FLT4: variants seen among roughly 807,000 people sequenced by gnomAD.
FLT4 encodes the protein fms related receptor tyrosine kinase 4.
FLT4 carries 30 observed loss-of-function variants against 163.2 expected under a neutral mutation model. That is an observed-to-expected ratio of 0.18 (90% CI 0.14 to 0.25). The LOEUF (loss-of-function observed/expected upper bound fraction) is 0.25, where lower values mean the gene tolerates loss of function less well. Ranked by LOEUF, FLT4 falls within the 10% of genes least tolerant of loss-of-function variation. The pLI, the probability that FLT4 is intolerant of heterozygous loss-of-function variation, is 1.00. For missense variants in FLT4, 1,510 were observed against 1,863.8 expected, an observed-to-expected ratio of 0.81 and a Z score of 3.50; for synonymous variants, 884 against 789.5, an observed-to-expected ratio of 1.12 and a Z score of -2.01.
chr5:180,620,853 AG>A lies in FLT4; in HGVS notation c.2299+22del. 1 of 1,609,778 alleles carries A rather than the reference AG, an allele frequency of 6.2e-7. No individual in the cohort carries two copies. On this transcript the variant is annotated intron_variant, in intron 15 of 29. Coordinates refer to ENST00000261937, the MANE Select transcript of FLT4 (RefSeq NM_182925.5). The surrounding 1 kb of genome is among the most constrained non-coding windows in gnomAD (Gnocchi z 4.4). ...TTAACTGGGGACGGGAAGGGAGTTG[AG>A]GGGTGCAGCCTGAGGCCAGACCTTC...
Position 180,628,920 on chromosome 5 carries a change from G to C in FLT4, c.1065C>G (p.Pro355=), listed in dbSNP as rs765314048. 3.7e-6 allele frequency: 6 copies of C among 1,612,482 alleles called. No homozygotes were observed. The highest frequency in any genetic ancestry group is 5.1e-6 in the Non-Finnish European group (6 of 1,179,816). ...GCGGGGGGTACGCTGCCAGCTTCAC[G>C]GGCAGCTTCACCAGCTCGTCTCCTG... is the stretch of plus-strand genomic sequence containing the variant. ...ATAGDELVKL[P]VKLAAYPPPE... is the part of the protein sequence containing the mutation. The change falls in exon 8 of 30, where the codon CCC becomes CCG. Residue 355 remains proline (P), a synonymous_variant. Coordinates refer to ENST00000261937, the MANE Select transcript of FLT4 (RefSeq NM_182925.5).
Position 180,618,908 on chromosome 5 carries a change from C to A in FLT4, c.2863G>T (p.Glu955Ter). The change falls in exon 21 of 30, where the codon GAG becomes TAG. Residue 955 changes from glutamate to a stop codon, truncating the protein, a stop_gained. Transcript: ENST00000261937. LOFTEE classifies it high-confidence loss of function. ...ATGGCGCGGAAGCGTCCGCGCTGCT[C>A]GGGAGACTTCTCCTGCGGATGCACG... ...AFSPCAEKSP[E>*]QRGRFRAMVE... 1 of 1,585,630 alleles carries A rather than the reference C, an allele frequency of 6.3e-7. No individual in the cohort carries two copies. Among genetic ancestry groups the A allele is most frequent in the East Asian group, 2.3e-5 (1 of 43,582 alleles).
rs200449328 is a variant in FLT4 at position 180,620,669 on chromosome 5, G to A, written c.2346C>T (p.Thr782=). The part of the protein sequence containing the change: ...GSMEIVILVG[T]GVIAVFFWVL... ...CCCAGAAGAAGACAGCGATGACGCC[G>A]GTACCGACAAGGATCACGATCTCCA... Residue 782 remains threonine, a synonymous_variant, in exon 16 of 30, where the codon ACC becomes ACT. Coordinates refer to ENST00000261937, the MANE Select transcript of FLT4 (RefSeq NM_182925.5). This position sits in a 1 kb window ranked among gnomAD's most constrained non-coding sequence, Gnocchi z 4.4. 38 of 1,613,540 alleles carry A rather than the reference G, an allele frequency of 2.4e-5. No individual in the cohort carries two copies. In the South Asian group the frequency reaches 3.4e-4, roughly 14 times the overall value.
chr5:180,630,466 C>G lies in FLT4; in HGVS notation c.400+89G>C, dbSNP rs561543548. 3.8e-5 allele frequency: 61 copies of G among 1,591,724 alleles called. No individual in the cohort carries two copies. The African/African-American group carries it at 5.8e-4, about 15-fold the overall frequency. On this transcript the variant is annotated intron_variant, in intron 3 of 29. Coordinates refer to ENST00000261937, the MANE Select transcript of FLT4 (RefSeq NM_182925.5). The surrounding 1 kb of genome is among the most constrained non-coding windows in gnomAD (Gnocchi z 6.3). ...AGCAGGTAGGGCCCCGTTCTCTCCT[C>G]CTGCCAGCCCAGGGTCCACAGGCTG...
intron 1 of FLT4, among the ~76,000 whole-genome samples, chr5:180,633,840 G>C (rs533704670): frequency 6.6e-6 from 1 of 152,182 alleles, no homozygotes. Flanking sequence ...GGGAGGTCAG[G>C]AGACCAGGCT....
In FLT4 at chr5:180,603,145, C is replaced by T. The variant is rs768618179; in HGVS notation, c.*47G>A. ...CTGGGCCTCCAGCCCTCTGCCCGCC[C>T]TGCCGGGCCTGAACCCCCAAGTGCT... On this transcript the variant is annotated 3_prime_UTR_variant, in exon 30 of 30. Coordinates refer to ENST00000261937, the MANE Select transcript of FLT4 (RefSeq NM_182925.5). The T allele has an allele frequency of 2.5e-6, 4 of 1,597,012 alleles. No homozygotes were observed. The highest frequency in any genetic ancestry group is 2.2e-5 in the East Asian group (1 of 44,764).
At chr5:180,622,243 G>A (rs543177417) in intron 12 of FLT4, among the ~76,000 whole-genome samples, 4 of 149,844 alleles carry the variant, frequency 2.7e-5, no homozygotes, top group South Asian at 2.1e-4. Context: ...CCCAGCCCCC[G>A]GGTGTTCTTT....
chr5:180,606,471 G>A (rs975549556), intron 29 of FLT4, among the ~76,000 whole-genome samples: 1 of 152,176 alleles, frequency 6.6e-6, no homozygotes, highest in African/African-American at 2.4e-5. Context: ...CCATGGTGCA[G>A]GCTCAGCCGT....
At chr5:180,615,301 C>T (rs55703303) in intron 23 of FLT4, among the ~76,000 whole-genome samples, 2,743 of 85,296 alleles carry the variant, frequency 0.032, 2 homozygotes, top group South Asian at 0.041. Flanking sequence ...TGGGCCCCGC[C>T]GGTCACCTCC....
Position 180,626,407 on chromosome 5 carries a change from G to T in FLT4, c.1104-142C>A. The T allele has an allele frequency of 3.3e-6, 3 of 905,152 alleles. No individual in the cohort carries two copies. The South Asian group carries it at 4.1e-5, about 13-fold the overall frequency. 56.1% of individuals were successfully genotyped at this position (905,152 alleles called of 1,614,324 possible). On this transcript the variant is annotated intron_variant, in intron 8 of 29. Coordinates refer to ENST00000261937, the MANE Select transcript of FLT4 (RefSeq NM_182925.5). The stretch of plus-strand genomic sequence containing the variant: ...TAGGACGGGGAACACTGGTCTGCGA[G>T]GGGATGGTCTAAGTCCCTGGAGATG...
intron 10 of FLT4, among the ~76,000 whole-genome samples, chr5:180,625,041 T>G (rs307824): frequency 0.95 from 144,024 of 152,264 alleles, 68,645 homozygotes; most frequent in South Asian, 1. Context: ...GGCCGGCTCA[T>G]GCCACCCCTA....
intron 29 of FLT4, 51 bp downstream of exon 29, chr5:180,608,917 G>C (rs774612068): frequency 6.8e-7 from 1 of 1,478,844 alleles, no homozygotes; most frequent in East Asian, 2.3e-5. Flanking sequence ...CCCTCCTCCA[G>C]GGGAGGGCAA....
rs546326184 is a variant in FLT4 at position 180,603,959 on chromosome 5, C to T, written c.3894-569G>A. ...GGTGGAGGTTTCAGTGAGCCAAGAT[C>T]GTGCCGCTGCACTCCAGCCTGGGTG... On this transcript the variant is annotated intron_variant, in intron 29 of 29. Transcript: ENST00000261937. 2.9e-4 allele frequency among the ~76,000 whole-genome samples: 44 copies of T among 151,604 alleles called. 1 individual carries two copies. The highest frequency in any genetic ancestry group is 1.5e-4 in the Non-Finnish European group (10 of 67,940).
intron 22 of FLT4, 44 bp downstream of exon 22, chr5:180,616,856 G>C (rs1762733210): frequency 1.4e-6 from 2 of 1,463,648 alleles, no homozygotes; most frequent in Admixed American, 1.7e-5. Flanking sequence ...GACTGGTGGG[G>C]ATGCACCCTT....
Position 180,626,216 on chromosome 5 carries a change from C to T in FLT4, c.1153G>A (p.Val385Met), listed in dbSNP as rs763552899. ...LSGRHSPHAL[V>M]LKEVTEASTG... is the part of the protein sequence containing the mutation. ...CTGGCCTCTGTCACCTCCTTGAGCA[C>T]CAGGGCATGTGGACTGTGGCGCCCG... Residue 385 changes from valine (V) to methionine (M), a missense_variant, in exon 9 of 30, where the codon GTG (valine) becomes ATG (methionine). Physicochemically the swap from Val to Met is conservative, Grantham distance 21. Transcript: ENST00000261937. 1 of 1,612,724 alleles carries T rather than the reference C, an allele frequency of 6.2e-7. No individual in the cohort carries two copies. The highest frequency in any genetic ancestry group is 8.5e-7 in the Non-Finnish European group (1 of 1,180,020).
rs1230678706 is a variant in FLT4, at chr5:180,609,981, G to A, written c.3731C>T (p.Ala1244Val). 1.2e-6 allele frequency: 2 copies of A among 1,614,046 alleles called. No homozygotes were observed. The highest frequency in any genetic ancestry group is 1.7e-5 in the Admixed American group (1 of 60,014). Residue 1244 changes from alanine to valine, a missense_variant, in exon 28 of 30, where the codon GCT (alanine) becomes GTT (valine). By Grantham distance (64) the Ala-to-Val change is moderately conservative. Around this residue, in one of 5 missense-constraint regions of FLT4, gnomAD observed 295 missense variants for 311.0 expected, o/e 0.95. Coordinates refer to ENST00000261937, the MANE Select transcript of FLT4 (RefSeq NM_182925.5). The part of the protein sequence containing the change: ...VSFPGCLARG[A>V]ETRGSSRMKT... Reference sequence around the variant, plus strand: ...CATCCTGGAGGAACCACGGGTCTCAGCCCCTCTGGCCAGGCACCCGGGAAA... The same window carrying A: ...CATCCTGGAGGAACCACGGGTCTCAACCCCTCTGGCCAGGCACCCGGGAAA...
intron 27 of FLT4, among the ~76,000 whole-genome samples, chr5:180,611,046 G>C (rs1762146289): frequency 6.6e-6 from 1 of 152,208 alleles, no homozygotes; most frequent in Non-Finnish European, 1.5e-5. Flanking sequence ...GACAGAGCGA[G>C]ACTCCGTCTC....
In FLT4 at chr5:180,631,709, G is replaced by C. The variant is rs769119787; in HGVS notation, c.128C>G (p.Thr43Ser). The C allele has an allele frequency of 1.2e-6, 2 of 1,610,398 alleles. No homozygotes were observed. Among genetic ancestry groups the C allele is most frequent in the Non-Finnish European group, 1.7e-6 (2 of 1,179,672 alleles). Residue 43 changes from threonine to serine, a missense_variant, in exon 2 of 30, where the codon ACC becomes AGC. Physicochemically the swap from Thr to Ser is moderately conservative, Grantham distance 58. This residue lies in a region of FLT4 where 157 missense variants were observed against 178.7 expected (regional missense o/e 0.88). Coordinates refer to ENST00000261937, the MANE Select transcript of FLT4 (RefSeq NM_182925.5). Reference protein sequence around the residue: ...NITEESHVIDTGDSLSISCRG... With the variant: ...NITEESHVIDSGDSLSISCRG... ...GCAGGAGATGGACAGGCTGTCACCGGTGTCGATGACGTGTGACTCCTCCGT... is the reference window on the plus strand; with the variant it reads ...GCAGGAGATGGACAGGCTGTCACCGCTGTCGATGACGTGTGACTCCTCCGT...
At chr5:180,629,487 G>A (rs1008793134) in intron 6 of FLT4, 60 bp from the exon 7 acceptor site, 24 of 1,587,896 alleles carry the variant, frequency 1.5e-5, no homozygotes, top group South Asian at 5.5e-5. Flanking sequence ...CTACCCCACC[G>A]AAGGCACACC....
Sources: gnomAD v4.1 joint callset for allele counts (sites outside exome capture counted in the v4.1 genomes callset) on GRCh38, gnomAD v4.1.1 for gene constraint, gnomAD v4.1.1 regional missense constraint, Gnocchi (gnomAD v3.1) non-coding constraint, MANE v1.5 for transcripts, NCBI Gene and HGNC (gene_info 2026-07-23, HGNC 2026-07-21) for gene names.